Variants in DMD observed in about 807,000 individuals in gnomAD.
DMD encodes the protein dystrophin, also known as mutant dystrophin.
Under a neutral mutation model 330.1 loss-of-function variants are expected in DMD, and 63 were observed. The ratio of observed to expected loss-of-function variants is 0.19; its 90% CI spans 0.16 to 0.24. The LOEUF (loss-of-function observed/expected upper bound fraction) is 0.24, where lower values mean the gene tolerates loss of function less well. Among genes scored for constraint, DMD ranks in the 10% least tolerant of loss-of-function variants. The pLI, the probability that DMD is intolerant of heterozygous loss-of-function variation, is 1.00. For missense variants in DMD, 3,344 were observed against 2,684.1 expected (o/e 1.25, Z -5.43); for synonymous variants, 1,223 against 959.8 (o/e 1.27, Z -5.07).
chrX:32,356,376 A>G (rs2097799873), intron 37 of DMD, among the ~76,000 whole-genome samples: 1 of 54,534 alleles, frequency 1.8e-5, no homozygotes, highest in African/African-American at 6.6e-5. Context: ...CACTGAATGG[A>G]AGTAAAAAAA....
At chrX:33,338,676 T>C (rs1307293251) in intron 1 of DMD, among the ~76,000 whole-genome samples, 1 of 111,068 alleles carries the variant, frequency 9.0e-6, no homozygotes, top group Non-Finnish European at 1.9e-5. Flanking sequence ...AAACAGATGC[T>C]AGAGTTGTTG....
At chrX:31,210,253 C>T (rs989866352) in intron 64 of DMD, among the ~76,000 whole-genome samples, 1 of 111,685 alleles carries the variant, frequency 9.0e-6, no homozygotes, top group Non-Finnish European at 1.9e-5. Flanking sequence ...GAAAAAAATA[C>T]TCTCCACTAA....
At chrX:31,847,127 C>T (rs1201078429) in intron 48 of DMD, among the ~76,000 whole-genome samples, 3 of 111,746 alleles carry the variant, frequency 2.7e-5, no homozygotes, top group Non-Finnish European at 5.7e-5. Context: ...ACATTGCATA[C>T]TCACATCATT....
chrX:31,572,086 C>T (rs752043845), intron 55 of DMD, among the ~76,000 whole-genome samples: 6 of 110,325 alleles, frequency 5.4e-5, no homozygotes, highest in Admixed American at 9.7e-5. Flanking sequence ...CCTGTGACAC[C>T]GGTTTGCCTA....
intron 9 of DMD, among the ~76,000 whole-genome samples, chrX:32,680,616 T>A (rs1044361921): frequency 2.7e-5 from 3 of 112,557 alleles, no homozygotes; most frequent in African/African-American, 9.7e-5. Context: ...GAATGCCCAA[T>A]ATTTGTTAAA....
At chrX:31,204,463 A>G (rs182619422) in intron 66 of DMD, among the ~76,000 whole-genome samples, 9 of 112,313 alleles carry the variant, frequency 8.0e-5, no homozygotes, top group Admixed American at 6.6e-4. Flanking sequence ...TAAGTGTTTT[A>G]GCATTAAGAG....
chrX:32,568,327 G>C (rs1013573595), intron 15 of DMD, among the ~76,000 whole-genome samples: 2 of 110,693 alleles, frequency 1.8e-5, no homozygotes, highest in African/African-American at 3.3e-5. Flanking sequence ...GGCCAACATA[G>C]TGAAACCTCG....
chrX:33,009,573 T>C (rs1490119181), intron 2 of DMD, among the ~76,000 whole-genome samples: 1 of 52,608 alleles, frequency 1.9e-5, no homozygotes, highest in East Asian at 1.0e-3. Flanking sequence ...TGTATGTGTA[T>C]ATACACATAT....
intron 41 of DMD, among the ~76,000 whole-genome samples, chrX:32,337,348 G>A (rs1403982129): frequency 9.2e-6 from 1 of 108,592 alleles, no homozygotes; most frequent in Non-Finnish European, 1.9e-5. Flanking sequence ...CTTGGCTATT[G>A]TATGTTTGAG....
chrX:32,451,402 A>T (rs775494336), intron 26 of DMD, among the ~76,000 whole-genome samples: 7 of 109,606 alleles, frequency 6.4e-5, no homozygotes, highest in South Asian at 3.8e-4. Flanking sequence ...AGTAAAAATT[A>T]AAAAAAAATA....
At chrX:32,154,096 C>T (rs2096818936) in intron 44 of DMD, among the ~76,000 whole-genome samples, 1 of 111,899 alleles carries the variant, frequency 8.9e-6, no homozygotes, top group Admixed American at 9.5e-5. Flanking sequence ...TTAAATACAG[C>T]AAAAAATAAC....
At chrX:31,508,779 GT>G (rs767835823) in intron 55 of DMD, among the ~76,000 whole-genome samples, 21 of 108,105 alleles carry the variant, frequency 1.9e-4, no homozygotes, top group East Asian at 1.4e-3. Context: ...AACTAGAAAA[GT>G]TTTTTTTTTC....
rs766983452 is a variant in DMD at position 31,396,765 on chromosome X, A to T, written c.9084+47716T>A. Among the ~76,000 whole-genome samples, 13 of 111,538 alleles carry T rather than the reference A, an allele frequency of 1.2e-4. No individual in the cohort carries two copies. In the Admixed American group the frequency reaches 1.2e-3, roughly 11 times the overall value. ...TGGGCATATGTATAGCTACACGTGTATTTCTAAGGAAAATCATTCAAAAAC... is the reference window on the plus strand; with the variant it reads ...TGGGCATATGTATAGCTACACGTGTTTTTCTAAGGAAAATCATTCAAAAAC... On this transcript the variant is annotated intron_variant, in intron 60 of 78. Transcript: ENST00000357033.
intron 47 of DMD, among the ~76,000 whole-genome samples, chrX:31,896,342 C>T (rs920659409): frequency 2.7e-5 from 3 of 111,613 alleles, no homozygotes; most frequent in African/African-American, 9.7e-5. Context: ...GATGCTCTCA[C>T]ATGAAGAGGT....
At chrX:32,920,863 C>T (rs1487515882) in intron 2 of DMD, among the ~76,000 whole-genome samples, 1 of 111,725 alleles carries the variant, frequency 9.0e-6, no homozygotes, top group African/African-American at 3.2e-5. Flanking sequence ...TAGAAAGTAC[C>T]TAAAATAGAG....
At chrX:31,917,099 A>G (rs2094618831) in intron 47 of DMD, among the ~76,000 whole-genome samples, 1 of 111,601 alleles carries the variant, frequency 9.0e-6, no homozygotes, top group Non-Finnish European at 1.9e-5. Flanking sequence ...TTTAAGAAGT[A>G]GAGCAAGGGG....
chrX:33,090,574 T>C (rs7059896), intron 1 of DMD, among the ~76,000 whole-genome samples: 2,994 of 109,165 alleles, frequency 0.027, 84 homozygotes, highest in African/African-American at 0.067. Context: ...ACAGAATGGA[T>C]CGGACACTAT....
intron 44 of DMD, among the ~76,000 whole-genome samples, chrX:32,054,665 A>T (rs1055802635): frequency 2.8e-5 from 3 of 108,918 alleles, no homozygotes; most frequent in Non-Finnish European, 5.7e-5. Context: ...TCCCCGAGGC[A>T]CCATACAGGA....
At position 32,268,916 on chromosome X, in the gene DMD, C is replaced by A. The variant is rs181526377; in HGVS notation, c.6290+18613G>T. 5.2e-3 allele frequency among the ~76,000 whole-genome samples: 562 copies of A among 107,437 alleles called. 5 individuals are homozygous for A. The highest frequency in any genetic ancestry group is 0.018 in the African/African-American group (538 of 29,285). The allele number at this position is 107,437 out of a possible 115,157, so 93.3% of individuals were successfully genotyped here. A position where few individuals can be genotyped will look rare whatever the true frequency, so the allele number is the denominator to read the frequency against. ...GGTAGGAGACCCCCCACCCCCGCCA[C>A]CCCAACCAGGAATGTCAGGCAACCA... On this transcript the variant is annotated intron_variant, in intron 43 of 78. Transcript: ENST00000357033.
Sources: allele counts gnomAD v4.1 joint callset (sites outside exome capture counted in the v4.1 genomes callset), GRCh38; gene constraint gnomAD v4.1.1; transcripts MANE v1.5; gene names NCBI Gene and HGNC (gene_info 2026-07-23, HGNC 2026-07-21).